ITFG2: variants seen among roughly 807,000 people sequenced by gnomAD.
The protein encoded by ITFG2 is KICSTOR complex protein ITFG2.
Under a neutral mutation model 54.4 loss-of-function variants are expected in ITFG2, and 36 were observed. That is an observed-to-expected ratio of 0.66 (90% CI 0.51 to 0.87). The LOEUF is 0.87. Among genes scored for constraint, ITFG2 ranks in the 40% least tolerant of loss-of-function variants. The pLI is 0.00. For missense variants in ITFG2, 524 were observed against 576.7 expected, an observed-to-expected ratio of 0.91 and a Z score of 0.94; for synonymous variants, 211 against 225.4, an observed-to-expected ratio of 0.94 and a Z score of 0.57.
intron 2 of ITFG2, among the ~76,000 whole-genome samples, chr12:2,849,811 T>A (rs1235431053): frequency 6.6e-6 from 1 of 152,206 alleles, no homozygotes; most frequent in East Asian, 1.9e-4. Flanking sequence ...CAGATCCCAA[T>A]CCAGATTCTA....
At chr12:2,822,959 A>G (rs766151243) in intron 10 of ITFG2, 48 bp downstream of exon 10, 4 of 1,377,796 alleles carry the variant, frequency 2.9e-6, no homozygotes, top group Non-Finnish European at 4.1e-6. Context: ...TAAGTTAGAT[A>G]GGCGTGTTAG....
intron 1 of ITFG2, among the ~76,000 whole-genome samples, chr12:2,839,465 C>A (rs1032853893): frequency 2.6e-5 from 4 of 152,222 alleles, no homozygotes; most frequent in Admixed American, 6.5e-5. Context: ...GTCTGTTATT[C>A]TCTGAAGTGA....
intron 2 of ITFG2, among the ~76,000 whole-genome samples, chr12:2,850,039 C>T (rs979895383): frequency 1.3e-5 from 2 of 152,166 alleles, no homozygotes; most frequent in Non-Finnish European, 1.5e-5. Flanking sequence ...CCCCTGTTTG[C>T]TGTTGTTGGT....
Position 2,824,358 on chromosome 12 carries a change from C to T in ITFG2, c.*165C>T. On this transcript the variant is annotated 3_prime_UTR_variant, in exon 12 of 12. Coordinates refer to ENST00000228799, the MANE Select transcript of ITFG2 (RefSeq NM_018463.4). ...CCCTAGGGTGACCGTGAACTATAGA[C>T]CTCGCAGTCTTTTCGGTGAAAGAAG... 1 of 749,340 alleles carries T rather than the reference C, an allele frequency of 1.3e-6. No individual in the cohort carries two copies. The highest frequency in any genetic ancestry group is 2.3e-6 in the Non-Finnish European group (1 of 429,340). 46.4% of individuals were successfully genotyped at this position (749,340 alleles called of 1,614,324 possible).
At chr12:2,851,623 G>T (rs1171362472) in intron 2 of ITFG2, among the ~76,000 whole-genome samples, 2 of 151,996 alleles carry the variant, frequency 1.3e-5, no homozygotes, top group African/African-American at 4.8e-5. Flanking sequence ...GATTACAGGC[G>T]TGAGCCACCA....
At chr12:2,834,785 T>G (rs753868703), upstream of ITFG2, 2 of 1,613,680 alleles carry the variant, frequency 1.2e-6, no homozygotes, top group South Asian at 2.2e-5. Context: ...TCCTGCCCCC[T>G]CGTCCTGGCT....
upstream of ITFG2, chr12:2,834,998 G>A (rs768953120): frequency 2.4e-5 from 37 of 1,542,168 alleles, no homozygotes; most frequent in Admixed American, 9.8e-5. Context: ...GAGCAGCCGC[G>A]TCAGTCTCCA....
intron 1 of ITFG2, among the ~76,000 whole-genome samples, chr12:2,839,111 G>C (rs2098035048): frequency 6.6e-6 from 1 of 152,084 alleles, no homozygotes; most frequent in South Asian, 2.1e-4. Context: ...AACCAATGTA[G>C]TGAAACGCTG....
chr12:2,844,453 C>T (rs1467377770), intron 2 of ITFG2, among the ~76,000 whole-genome samples: 1 of 152,054 alleles, frequency 6.6e-6, no homozygotes, highest in Non-Finnish European at 1.5e-5. Context: ...ACTTGGGAAG[C>T]TGAGACAGGA....
At chr12:2,833,759 T>A (rs1435049533), upstream of ITFG2, among the ~76,000 whole-genome samples, 1 of 152,206 alleles carries the variant, frequency 6.6e-6, no homozygotes. Context: ...AGATAGTGCC[T>A]GCTATTAGGC....
chr12:2,858,265 T>C (rs561935805), exon 3 of ITFG2: 2 of 183,600 alleles, frequency 1.1e-5, no homozygotes, highest in East Asian at 2.8e-4. Flanking sequence ...AGCTTACATT[T>C]ATAATTAGAG....
At chr12:2,827,069 G>T, downstream of ITFG2, 1 of 1,493,342 alleles carries the variant, frequency 6.7e-7, no homozygotes, top group Non-Finnish European at 8.8e-7. The surrounding 1 kb of genome is among the most constrained non-coding windows in gnomAD (Gnocchi z 4.0). Context: ...GGGGAAAATG[G>T]GACAGCAGGG....
chr12:2,834,068 G>C (rs1044258188), upstream of ITFG2, among the ~76,000 whole-genome samples: 3 of 152,194 alleles, frequency 2.0e-5, no homozygotes, highest in Non-Finnish European at 4.4e-5. Flanking sequence ...GCAGACATGG[G>C]ATGGGAGGAG....
rs1014085617 is a variant in ITFG2, at chr12:2,845,457, G to T, written n.300+4462G>T. 6.6e-6 allele frequency among the ~76,000 whole-genome samples: 1 copy of T among 152,186 alleles called. No homozygotes were observed. Among genetic ancestry groups the T allele is most frequent in the Non-Finnish European group, 1.5e-5 (1 of 68,040 alleles). The stretch of plus-strand genomic sequence containing the variant: ...CCAGCCATTCCTCAAGCTCCCAGCA[G>T]CTCAGGAACTTGCGTCAGCAGCTCA... On this transcript the variant is annotated intron_variant and non_coding_transcript_variant, in intron 2 of 3. Transcript: ENST00000537710. This position sits in a 1 kb window ranked among gnomAD's most constrained non-coding sequence, Gnocchi z 4.2.
At chr12:2,836,749 A>T (rs146253559), upstream of ITFG2, 119 of 152,284 alleles carry the variant, frequency 7.8e-4, no homozygotes, top group Middle Eastern at 3.4e-3. Flanking sequence ...TAAAAGGAGG[A>T]AGTGGGACGC....
chr12:2,829,350 A>G (rs1470951785), downstream of ITFG2, among the ~76,000 whole-genome samples: 1 of 152,248 alleles, frequency 6.6e-6, no homozygotes, highest in Non-Finnish European at 1.5e-5. Flanking sequence ...TCTCATTCCA[A>G]ACATTCATTG....
chr12:2,815,009 T>C (rs911222664), intron 1 of ITFG2, among the ~76,000 whole-genome samples: 6 of 152,016 alleles, frequency 3.9e-5, no homozygotes, highest in African/African-American at 1.4e-4. Flanking sequence ...GTTTCACTCT[T>C]ATTGTCCAGG....
intron 2 of ITFG2, among the ~76,000 whole-genome samples, chr12:2,855,678 C>T (rs528589550): frequency 9.2e-5 from 14 of 152,160 alleles, no homozygotes; most frequent in Non-Finnish European, 1.5e-4. Flanking sequence ...TGCCATTGAC[C>T]ATATTTTGGC....
intron 2 of ITFG2, among the ~76,000 whole-genome samples, chr12:2,854,149 C>A (rs2153929425): frequency 6.6e-6 from 1 of 152,338 alleles, no homozygotes; most frequent in East Asian, 1.9e-4. Context: ...CCTCAGTCTC[C>A]TGAGTAGCTG....
Sources: allele counts gnomAD v4.1 joint callset (sites outside exome capture counted in the v4.1 genomes callset), GRCh38; gene constraint gnomAD v4.1.1; non-coding constraint Gnocchi (gnomAD v3.1); transcripts MANE v1.5; gene names NCBI Gene and HGNC (gene_info 2026-07-23, HGNC 2026-07-21).